GADD45G: variants seen among roughly 807,000 people sequenced by gnomAD.
GADD45G encodes growth arrest and DNA damage inducible gamma.
In GADD45G, 7 loss-of-function variants were observed where a neutral mutation model predicts 17.3. The observed-to-expected ratio is 0.41, with a 90% CI of 0.23 to 0.76. The LOEUF is 0.76. GADD45G is among the 30% of genes least tolerant of loss of function. GADD45G has a pLI of 0.34. For missense variants in GADD45G, 149 were observed against 219.2 expected, an observed-to-expected ratio of 0.68 and a Z score of 2.02; for synonymous variants, 93 against 94.9, an observed-to-expected ratio of 0.98 and a Z score of 0.12.
chr9:89,606,200 G>GT lies in GADD45G; in HGVS notation c.*121_*122insT, dbSNP rs1354415851. 1.3e-6 allele frequency: 1 copy of GT among 750,016 alleles called. No homozygotes were observed. The highest frequency in any genetic ancestry group is 1.7e-5 in the African/African-American group (1 of 57,176). The allele number at this position is 750,016 out of a possible 1,614,324, so 46.5% of individuals were successfully genotyped here. A position where few individuals can be genotyped will look rare whatever the true frequency, so the allele number is the denominator to read the frequency against. The stretch of plus-strand genomic sequence containing the variant: ...AGTGCGGCGTGGAGACTGGCAGGCG[G>GT]GGGGGGCGCCTGGAGAGCGAGGAGG... On this transcript the variant is annotated 3_prime_UTR_variant, in exon 4 of 4. Transcript: ENST00000252506.
Position 89,605,269 on chromosome 9 carries a change from G to T in GADD45G, c.53+95G>T, listed in dbSNP as rs189463663. 5.6e-6 allele frequency: 7 copies of T among 1,242,300 alleles called. No individual in the cohort carries two copies. The South Asian group carries it at 6.2e-5, about 11-fold the overall frequency. 77.0% of individuals were successfully genotyped at this position (1,242,300 alleles called of 1,614,324 possible). On this transcript the variant is annotated intron_variant, in intron 1 of 3. Coordinates refer to ENST00000252506, the MANE Select transcript of GADD45G (RefSeq NM_006705.4). ...CGCGGGGTAGGAGGGGAGCGCGGGG[G>T]TCCGGGCGCCAGATCCCGGTTGGAG... is the stretch of plus-strand genomic sequence containing the variant.
rs569606778 is a variant in GADD45G at position 89,605,210 on chromosome 9, T to C, written c.53+36T>C. 5.0e-6 allele frequency: 8 copies of C among 1,590,436 alleles called. No individual in the cohort carries two copies. The Admixed American group carries it at 8.4e-5, about 17-fold the overall frequency. Reference sequence around the variant, plus strand: ...GGGCGCTGAGAAAGCCGCTGGTCGGTCGGCGACCGTCAGGGTTTTCCAGGG... The same window carrying C: ...GGGCGCTGAGAAAGCCGCTGGTCGGCCGGCGACCGTCAGGGTTTTCCAGGG... On this transcript the variant is annotated intron_variant, in intron 1 of 3. Coordinates refer to ENST00000252506, the MANE Select transcript of GADD45G (RefSeq NM_006705.4).
Position 89,605,143 on chromosome 9 carries a change from G to A in GADD45G, c.22G>A (p.Gly8Ser). The A allele has an allele frequency of 3.7e-6, 6 of 1,613,942 alleles. No homozygotes were observed. The highest frequency in any genetic ancestry group is 1.7e-5 in the Admixed American group (1 of 60,030). MTLEEVR[G>S]QDTVPESTAR... ...CACTATGACTCTGGAAGAAGTCCGC[G>A]GCCAGGACACAGTTCCGGAAAGCAC... Residue 8 changes from glycine (G) to serine (S), a missense_variant, in exon 1 of 4, where the codon GGC (glycine) becomes AGC (serine). Transcript: ENST00000252506.
Position 89,605,935 on chromosome 9 carries a change from G to A in GADD45G, c.370-34G>A, listed in dbSNP as rs747635391. 4.5e-5 allele frequency: 71 copies of A among 1,592,322 alleles called. No individual in the cohort carries two copies. In the South Asian group the frequency reaches 8.0e-4, roughly 18 times the overall value. ...CAGTGTCGTTCCCGCCTCGGCCCGC[G>A]GCCAGCCAGGCTGACCCTGCTCTCT... On this transcript the variant is annotated intron_variant, in intron 3 of 3. Transcript: ENST00000252506.
At chr9:89,605,381 T>C (rs1185653121) in intron 1 of GADD45G, 51 bp from the exon 2 acceptor site, 3 of 1,385,524 alleles carry the variant, frequency 2.2e-6, no homozygotes, top group East Asian at 5.0e-5. Context: ...GGCTGGGGTC[T>C]CCGCCGCGCC....
At position 89,606,112 on chromosome 9, in the gene GADD45G, G is replaced by A. The variant is rs1827521590; in HGVS notation, c.*33G>A. 3 of 1,510,150 alleles carry A rather than the reference G, an allele frequency of 2.0e-6. No individual in the cohort carries two copies. The highest frequency in any genetic ancestry group is 4.6e-5 in the East Asian group (2 of 43,038). 93.5% of individuals were successfully genotyped at this position (1,510,150 alleles called of 1,614,324 possible). A position where few individuals can be genotyped will look rare whatever the true frequency, so the allele number is the denominator to read the frequency against. On this transcript the variant is annotated 3_prime_UTR_variant, in exon 4 of 4. Coordinates refer to ENST00000252506, the MANE Select transcript of GADD45G (RefSeq NM_006705.4). ...GCGGGGACCTTGGTCTGATCGACGT[G>A]GTGACGCCCCGGGGCGCCTAGAGCG...
chr9:89,605,711 A>G lies in GADD45G; in HGVS notation c.200A>G (p.Glu67Gly). The G allele has an allele frequency of 6.2e-7, 1 of 1,614,058 alleles. No individual in the cohort carries two copies. The highest frequency in any genetic ancestry group is 8.5e-7 in the Non-Finnish European group (1 of 1,179,986). Residue 67 changes from glutamate to glycine, a missense_variant, in exon 3 of 4, where the codon GAG (glutamate) becomes GGG (glycine). Physicochemically the swap from Glu to Gly is moderately conservative, Grantham distance 98 (BLOSUM62 -2). Around this residue, in one of 3 missense-constraint regions of GADD45G, gnomAD observed 39 missense variants for 99.9 expected, o/e 0.39. Transcript: ENST00000252506. ...VTFCVLAAGE[E>G]DEGDIALQIH... ...TTCTGTGTGCTGGCTGCGGGTGAGG[A>G]GGACGAGGGCGACATCGCGCTGCAG...
chr9:89,605,923 G>T (rs1405471398), intron 3 of GADD45G, 43 bp downstream of exon 3: 2 of 1,588,348 alleles, frequency 1.3e-6, no homozygotes, highest in African/African-American at 1.3e-5. Flanking sequence ...TGTCGTTCCC[G>T]CCTCGGCCCG....
At position 89,605,802 on chromosome 9, in the gene GADD45G, T is replaced by C. The variant is rs1223642044; in HGVS notation, c.291T>C (p.Asp97=). The C allele has an allele frequency of 6.2e-7, 1 of 1,613,860 alleles. No homozygotes were observed. Among genetic ancestry groups the C allele is most frequent in the Admixed American group, 1.7e-5 (1 of 60,020 alleles). ...ENDIDIVRVG[D]VQRLAAIVGA... is the part of the protein sequence containing the mutation. ...ACATCGACATAGTGCGCGTGGGCGA[T>C]GTGCAGCGGCTGGCGGCTATCGTGG... Residue 97 remains aspartate, a synonymous_variant, in exon 3 of 4, where the codon GAT becomes GAC. Coordinates refer to ENST00000252506, the MANE Select transcript of GADD45G (RefSeq NM_006705.4).
rs758170913 is a variant in GADD45G at position 89,605,898 on chromosome 9, C to T, written c.369+18C>T. On this transcript the variant is annotated intron_variant, in intron 3 of 3. Transcript: ENST00000252506. ...TCATTTCGGTGAGTACAGTCCCGTC[C>T]TGTCCCCGCCCCAGTGTCGTTCCCG... The T allele has an allele frequency of 2.4e-5, 38 of 1,591,950 alleles. 1 individual carries two copies. The Admixed American group carries it at 5.9e-4, about 25-fold the overall frequency.
rs759232998 is a variant in GADD45G at position 89,605,583 on chromosome 9, C to A, written c.155+50C>A. On this transcript the variant is annotated intron_variant, in intron 2 of 3. Transcript: ENST00000252506. ...GGGAGACAGGGGCGGGGGTGAATGG[C>A]GAGGAGACTGGCGGATGGGAGGGGT... is the stretch of plus-strand genomic sequence containing the variant. 26 of 1,555,430 alleles carry A rather than the reference C, an allele frequency of 1.7e-5. No homozygotes were observed. The South Asian group carries it at 2.6e-4, about 16-fold the overall frequency.
chr9:89,606,334 C>A lies in GADD45G; in HGVS notation c.*255C>A, dbSNP rs564551830. ...TCGCCCAGGAAGGCCTAGGCTAGGA[C>A]GTTGGCCTCAGGGCCAGGAAGGACA... is the stretch of plus-strand genomic sequence containing the variant. On this transcript the variant is annotated 3_prime_UTR_variant, in exon 4 of 4. Transcript: ENST00000252506. 6 of 540,656 alleles carry A rather than the reference C, an allele frequency of 1.1e-5. No individual in the cohort carries two copies. Among genetic ancestry groups the A allele is most frequent in the Non-Finnish European group, 2.0e-5 (6 of 301,340 alleles). 33.5% of individuals were successfully genotyped at this position (540,656 alleles called of 1,614,324 possible). A position where few individuals can be genotyped will look rare whatever the true frequency, so the allele number is the denominator to read the frequency against.
At chr9:89,605,929 G>T (rs1827517692) in intron 3 of GADD45G, 40 bp from the exon 4 acceptor site, 2 of 1,591,168 alleles carry the variant, frequency 1.3e-6, no homozygotes, top group East Asian at 2.3e-5. Context: ...TCCCGCCTCG[G>T]CCCGCGGCCA....
rs2118094947 is a variant in GADD45G, at chr9:89,606,235, C to G, written c.*156C>G. On this transcript the variant is annotated 3_prime_UTR_variant, in exon 4 of 4. Coordinates refer to ENST00000252506, the MANE Select transcript of GADD45G (RefSeq NM_006705.4). ...CTGGAGAGCGAGGAGGCGCGGCCTC[C>G]CGAGGAGGGGCCCGGTGGCGGCAGG... 1.6e-6 allele frequency: 1 copy of G among 641,080 alleles called. No individual in the cohort carries two copies. Among genetic ancestry groups the G allele is most frequent in the East Asian group, 2.7e-5 (1 of 36,588 alleles). 39.7% of individuals were successfully genotyped at this position (641,080 alleles called of 1,614,324 possible).
intron 1 of GADD45G, 44 bp from the exon 2 acceptor site, chr9:89,605,388 C>T: frequency 7.0e-7 from 1 of 1,422,718 alleles, no homozygotes; most frequent in Non-Finnish European, 9.7e-7. Context: ...GTCTCCGCCG[C>T]GCCCTCCGGC....
In GADD45G at chr9:89,605,089, C is replaced by T. The variant is rs760626272; in HGVS notation, c.-33C>T. 2 of 1,598,918 alleles carry T rather than the reference C, an allele frequency of 1.3e-6. No individual in the cohort carries two copies. The highest frequency in any genetic ancestry group is 2.2e-5 in the South Asian group (2 of 90,346). ...GCCCGCGTCCCCTCCGCGCTCTCCG[C>T]TTGTGGATAACTAGCTGCTGGTTGA... On this transcript the variant is annotated 5_prime_UTR_variant, in exon 1 of 4. Coordinates refer to ENST00000252506, the MANE Select transcript of GADD45G (RefSeq NM_006705.4).
Position 89,605,048 on chromosome 9 carries a change from G to C in GADD45G, c.-74G>C. The C allele has an allele frequency of 3.3e-6, 4 of 1,194,100 alleles. No homozygotes were observed. In the South Asian group the frequency reaches 3.8e-5, roughly 11 times the overall value. The allele number at this position is 1,194,100 out of a possible 1,614,324, so 74.0% of individuals were successfully genotyped here. A position where few individuals can be genotyped will look rare whatever the true frequency, so the allele number is the denominator to read the frequency against. ...TGGTGGGCGCGCCGTGCTGAGCTCT[G>C]GCTGTCAGTGTGTTCGCCCGCGTCC... On this transcript the variant is annotated 5_prime_UTR_variant, in exon 1 of 4. Transcript: ENST00000252506.
In GADD45G at chr9:89,605,055, A is replaced by T; in HGVS notation, c.-67A>T. The T allele has an allele frequency of 4.0e-6, 5 of 1,251,060 alleles. 1 individual carries two copies. In the South Asian group the frequency reaches 6.3e-5, roughly 16 times the overall value. 77.5% of individuals were successfully genotyped at this position (1,251,060 alleles called of 1,614,324 possible). A position where few individuals can be genotyped will look rare whatever the true frequency, so the allele number is the denominator to read the frequency against. On this transcript the variant is annotated 5_prime_UTR_variant, in exon 1 of 4. Coordinates refer to ENST00000252506, the MANE Select transcript of GADD45G (RefSeq NM_006705.4). Reference sequence around the variant, plus strand: ...CGCGCCGTGCTGAGCTCTGGCTGTCAGTGTGTTCGCCCGCGTCCCCTCCGC... The same window carrying T: ...CGCGCCGTGCTGAGCTCTGGCTGTCTGTGTGTTCGCCCGCGTCCCCTCCGC...
In GADD45G at chr9:89,605,075, C is replaced by T. The variant is rs748525971; in HGVS notation, c.-47C>T. 1 of 1,531,588 alleles carries T rather than the reference C, an allele frequency of 6.5e-7. No individual in the cohort carries two copies. The highest frequency in any genetic ancestry group is 1.7e-5 in the Admixed American group (1 of 58,422). 94.9% of individuals were successfully genotyped at this position (1,531,588 alleles called of 1,614,324 possible). A position where few individuals can be genotyped will look rare whatever the true frequency, so the allele number is the denominator to read the frequency against. ...CTGTCAGTGTGTTCGCCCGCGTCCCCTCCGCGCTCTCCGCTTGTGGATAAC... is the reference window on the plus strand; with the variant it reads ...CTGTCAGTGTGTTCGCCCGCGTCCCTTCCGCGCTCTCCGCTTGTGGATAAC... On this transcript the variant is annotated 5_prime_UTR_variant, in exon 1 of 4. Transcript: ENST00000252506.
Sources: gnomAD v4.1 joint callset for allele counts on GRCh38, gnomAD v4.1.1 for gene constraint, gnomAD v4.1.1 regional missense constraint, MANE v1.5 for transcripts, NCBI Gene and HGNC (gene_info 2026-07-23, HGNC 2026-07-21) for gene names.